Variants in FGGY observed in about 807,000 individuals in gnomAD.
FGGY encodes the protein FGGY carbohydrate kinase domain containing.
FGGY carries 72 observed loss-of-function variants against 71.3 expected under a neutral mutation model. The observed-to-expected ratio is 1.01, with a 90% CI of 0.84 to 1.23. FGGY has a LOEUF of 1.23. Among genes scored for constraint, FGGY ranks in the 50% most tolerant of loss-of-function variants. FGGY has a pLI of 0.00. For synonymous variants in FGGY, 251 were observed against 250.3 expected, an observed-to-expected ratio of 1.00 and a Z score of -0.02; for missense variants, 668 against 682.3, an observed-to-expected ratio of 0.98 and a Z score of 0.23.
intron 5 of FGGY, among the ~76,000 whole-genome samples, chr1:59,408,406 C>T (rs557944114): frequency 5.3e-5 from 8 of 152,258 alleles, no homozygotes; most frequent in African/African-American, 1.9e-4. Flanking sequence ...GTTGCTCAGA[C>T]ACCTTTTGCT....
At chr1:59,602,459 C>T (rs2096587300) in intron 8 of FGGY, among the ~76,000 whole-genome samples, 1 of 152,190 alleles carries the variant, frequency 6.6e-6, no homozygotes. Flanking sequence ...TTTAAAGGCT[C>T]ATTTCAGTGG....
chr1:59,443,321 C>T (rs1557941046), intron 5 of FGGY, among the ~76,000 whole-genome samples: 1 of 152,112 alleles, frequency 6.6e-6, no homozygotes, highest in African/African-American at 2.4e-5. Flanking sequence ...TGCACTAGGC[C>T]AATTGGCAGA....
rs550666985 is a variant in FGGY, at chr1:59,723,562, T to G, written c.1513-34369T>G. Among the ~76,000 whole-genome samples the G allele has an allele frequency of 2.6e-3, 346 of 133,600 alleles. 2 individuals carry two copies. Among genetic ancestry groups the G allele is most frequent in the African/African-American group, 9.6e-3 (338 of 35,184 alleles). The allele number at this position is 133,600 out of a possible 152,430, so 87.6% of individuals were successfully genotyped here. A position where few individuals can be genotyped will look rare whatever the true frequency, so the allele number is the denominator to read the frequency against. On this transcript the variant is annotated intron_variant, in intron 14 of 15. Transcript: ENST00000303721. ...TTTCTTGGCATTTTCTTGTTTTTTT[T>G]TGGGGGGGGGTGGTTGGGGGTTTTT...
chr1:59,736,840 G>A (rs1341982152), intron 14 of FGGY, among the ~76,000 whole-genome samples: 3 of 152,238 alleles, frequency 2.0e-5, no homozygotes, highest in Non-Finnish European at 4.4e-5. Context: ...GGAGCCGAAC[G>A]TTAATCCCCA....
At chr1:59,759,778 G>A (rs2101898660) in intron 15 of FGGY, among the ~76,000 whole-genome samples, 1 of 152,372 alleles carries the variant, frequency 6.6e-6, no homozygotes, top group East Asian at 1.9e-4. Flanking sequence ...CACAGAAGCA[G>A]GGACTGAGTT....
At chr1:59,385,675 TAATA>T (rs2059992012) in intron 5 of FGGY, among the ~76,000 whole-genome samples, 3 of 152,060 alleles carry the variant, frequency 2.0e-5, no homozygotes, top group Admixed American at 2.0e-4. Context: ...TGACTAATAA[TAATA>T]ATATAAGAAA....
intron 6 of FGGY, among the ~76,000 whole-genome samples, chr1:59,501,114 T>C (rs1317825980): frequency 6.6e-6 from 1 of 152,212 alleles, no homozygotes; most frequent in Admixed American, 6.5e-5. Flanking sequence ...AGGAGGCTGT[T>C]ACCATTTTGT....
intron 9 of FGGY, among the ~76,000 whole-genome samples, chr1:59,625,325 T>A (rs1439789559): frequency 6.6e-6 from 1 of 152,112 alleles, no homozygotes; most frequent in African/African-American, 2.4e-5. Flanking sequence ...AGGAATAAGA[T>A]CCTAGACCTG....
At chr1:59,674,954 G>A (rs1408422924) in intron 14 of FGGY, among the ~76,000 whole-genome samples, 6 of 152,152 alleles carry the variant, frequency 3.9e-5, no homozygotes, top group African/African-American at 1.4e-4. Context: ...AGTCTTCTCT[G>A]TACTTCCACT....
chr1:59,607,989 C>A, intron 9 of FGGY, 79 bp downstream of exon 9: 1 of 1,169,820 alleles, frequency 8.5e-7, no homozygotes, highest in Non-Finnish European at 1.3e-6. Flanking sequence ...GACCCATATA[C>A]CCAATATCTG....
chr1:59,381,874 C>T (rs1262602741), intron 5 of FGGY, among the ~76,000 whole-genome samples: 3 of 152,068 alleles, frequency 2.0e-5, no homozygotes, highest in Non-Finnish European at 4.4e-5. Flanking sequence ...ACAATAGAGA[C>T]TTGTATAAAA....
At chr1:59,722,987 C>T (rs950475239) in intron 14 of FGGY, among the ~76,000 whole-genome samples, 7 of 152,054 alleles carry the variant, frequency 4.6e-5, no homozygotes, top group Admixed American at 3.3e-4. Context: ...TTAGTAGAGA[C>T]GGGGTTTCAC....
intron 6 of FGGY, among the ~76,000 whole-genome samples, chr1:59,506,716 T>G (rs1362992894): frequency 6.6e-6 from 1 of 152,108 alleles, no homozygotes; most frequent in African/African-American, 2.4e-5. Context: ...TGAGAATCGC[T>G]TGAACCTGGG....
At chr1:59,702,907 G>T (rs2097721422) in intron 14 of FGGY, among the ~76,000 whole-genome samples, 1 of 152,134 alleles carries the variant, frequency 6.6e-6, no homozygotes, top group Non-Finnish European at 1.5e-5. Context: ...TTAAGAAGCT[G>T]TCCTAATCTG....
intron 8 of FGGY, among the ~76,000 whole-genome samples, chr1:59,579,277 C>T (rs555978767): frequency 6.6e-6 from 1 of 152,204 alleles, no homozygotes; most frequent in South Asian, 2.1e-4. Flanking sequence ...AAGCCTCTGC[C>T]CAAGACCTCT....
chr1:59,570,621 A>G (rs1471016847), intron 8 of FGGY, among the ~76,000 whole-genome samples: 5 of 152,166 alleles, frequency 3.3e-5, no homozygotes, highest in African/African-American at 9.7e-5. Flanking sequence ...TCCTGTTTGT[A>G]GTTCTGTGCA....
At chr1:59,613,571 C>T (rs908878409) in intron 9 of FGGY, among the ~76,000 whole-genome samples, 1 of 152,136 alleles carries the variant, frequency 6.6e-6, no homozygotes, top group South Asian at 2.1e-4. Context: ...GACACCCTAA[C>T]ATCACAATTA....
At chr1:59,715,749 A>G (rs1231928622) in intron 14 of FGGY, among the ~76,000 whole-genome samples, 1 of 152,220 alleles carries the variant, frequency 6.6e-6, no homozygotes, top group Non-Finnish European at 1.5e-5. Flanking sequence ...TGTGCAGAGC[A>G]CTGTGCTAAG....
chr1:59,392,757 C>G (rs771361575), intron 5 of FGGY, among the ~76,000 whole-genome samples: 14 of 151,576 alleles, frequency 9.2e-5, no homozygotes, highest in African/African-American at 1.5e-4. Flanking sequence ...CTTCATTTTT[C>G]CTTCTTCTCT....
Sources: gnomAD v4.1 joint callset for allele counts (sites outside exome capture counted in the v4.1 genomes callset) on GRCh38, gnomAD v4.1.1 for gene constraint, MANE v1.5 for transcripts, NCBI Gene and HGNC (gene_info 2026-07-23, HGNC 2026-07-21) for gene names.